The following NAP1L5 variants were observed in gnomAD, a reference collection of about 807,000 sequenced individuals.
NAP1L5 encodes nucleosome assembly protein 1-like 5.
For synonymous variants in NAP1L5, 125 were observed against 103.6 expected (o/e 1.21, Z -1.25); for missense variants, 249 against 246.4 (o/e 1.01, Z -0.07).
chr4:88,697,652 C>T lies in NAP1L5; in HGVS notation c.103G>A (p.Gly35Arg), dbSNP rs1295548944. The T allele has an allele frequency of 3.1e-6, 5 of 1,613,324 alleles. No individual in the cohort carries two copies. Among genetic ancestry groups the T allele is most frequent in the Non-Finnish European group, 4.2e-6 (5 of 1,180,018 alleles). Residue 35 changes from glycine (G) to arginine (R), a missense_variant, in exon 1 of 1, where the codon GGA becomes AGA. Gly to Arg is a moderately radical substitution (Grantham distance 125). Transcript: ENST00000323061. ...TCACCAGCCGCGCTGTCACAGTCTCCACCCTGCGCACCGCCTTCCGCCATT... is the reference window on the plus strand; with the variant it reads ...TCACCAGCCGCGCTGTCACAGTCTCTACCCTGCGCACCGCCTTCCGCCATT... ...EVMAEGGAQG[G>R]DCDSAAGDPD...
chr4:88,697,467 G>A lies in NAP1L5; in HGVS notation c.288C>T (p.Ala96=). The change falls in exon 1 of 1, where the codon GCC becomes GCT. Residue 96 remains alanine (A), a synonymous_variant. Transcript: ENST00000323061. The part of the protein sequence containing the change: ...KLQKRCDKIE[A]KFDKEFQALE... ...GAGCCTGAAATTCCTTATCAAATTT[G>A]GCTTCTATCTTATCGCATCGCTTCT... 1.2e-6 allele frequency: 2 copies of A among 1,614,084 alleles called. No homozygotes were observed. The highest frequency in any genetic ancestry group is 8.5e-7 in the Non-Finnish European group (1 of 1,180,018).
rs1734740244 is a variant in NAP1L5, at chr4:88,697,480, T to C, written c.275A>G (p.Asp92Gly). The change falls in exon 1 of 1, where the codon GAT (aspartate) becomes GGT (glycine). Residue 92 changes from aspartate (D) to glycine (G), a missense_variant. Physicochemically the swap from Asp to Gly is moderately conservative, Grantham distance 94. Transcript: ENST00000323061. The stretch of plus-strand genomic sequence containing the variant: ...CTTATCAAATTTGGCTTCTATCTTA[T>C]CGCATCGCTTCTGCAGCTTTTTGAG... Reference protein sequence around the residue: ...LALKKLQKRCDKIEAKFDKEF... With the variant: ...LALKKLQKRCGKIEAKFDKEF... 7.4e-6 allele frequency: 12 copies of C among 1,614,062 alleles called. No individual in the cohort carries two copies. The highest frequency in any genetic ancestry group is 1.0e-5 in the Non-Finnish European group (12 of 1,180,040).
In NAP1L5 at chr4:88,696,325, G is replaced by A. The variant is rs1050809127; in HGVS notation, c.*881C>T. ...GCTACATGACAGAAAGACGTCACAA[G>A]GCGCAAAGTACATAACGCTGGATAC... On this transcript the variant is annotated 3_prime_UTR_variant, in exon 1 of 1. Transcript: ENST00000323061. 1 of 152,578 alleles carries A rather than the reference G, an allele frequency of 6.6e-6. No individual in the cohort carries two copies. The highest frequency in any genetic ancestry group is 2.4e-5 in the African/African-American group (1 of 41,426). The allele number at this position is 152,578 out of a possible 1,614,324, so 9.5% of individuals were successfully genotyped here. A position where few individuals can be genotyped will look rare whatever the true frequency, so the allele number is the denominator to read the frequency against.
rs752716298 is a variant in NAP1L5 at position 88,697,101 on chromosome 4, A to C, written c.*105T>G. On this transcript the variant is annotated 3_prime_UTR_variant, in exon 1 of 1. Transcript: ENST00000323061. ...GAATGTCAGAATAAATTCACATTGT[A>C]TTTTGGTCAAAAACCTGAGCCTTTT... The C allele has an allele frequency of 8.3e-6, 9 of 1,078,048 alleles. No individual in the cohort carries two copies. Among genetic ancestry groups the C allele is most frequent in the Admixed American group, 2.7e-5 (1 of 36,582 alleles). 66.8% of individuals were successfully genotyped at this position (1,078,048 alleles called of 1,614,324 possible).
At position 88,697,364 on chromosome 4, in the gene NAP1L5, C is replaced by T; in HGVS notation, c.391G>A (p.Ala131Thr). ...TCCTCCTCCCCCTCCAAGGTCCATG[C>T]ACACCCCTCCATCTCGCCGGTGAGC... is the stretch of plus-strand genomic sequence containing the variant. Reference protein sequence around the residue: ...QELTGEMEGCAWTLEGEEEEE... With the variant: ...QELTGEMEGCTWTLEGEEEEE... Residue 131 changes from alanine (A) to threonine (T), a missense_variant, in exon 1 of 1, where the codon GCA becomes ACA. Coordinates refer to ENST00000323061, the MANE Select transcript of NAP1L5 (RefSeq NM_153757.4). 1.2e-6 allele frequency: 2 copies of T among 1,614,074 alleles called. No homozygotes were observed. Among genetic ancestry groups the T allele is most frequent in the Non-Finnish European group, 1.7e-6 (2 of 1,180,024 alleles).
In NAP1L5 at chr4:88,697,589, G is replaced by C. The variant is rs11554724; in HGVS notation, c.166C>G (p.Gln56Glu). 1 of 1,613,670 alleles carries C rather than the reference G, an allele frequency of 6.2e-7. No homozygotes were observed. Among genetic ancestry groups the C allele is most frequent in the Non-Finnish European group, 8.5e-7 (1 of 1,179,744 alleles). Residue 56 changes from glutamine (Q) to glutamate (E), a missense_variant, in exon 1 of 1, where the codon CAG (glutamine) becomes GAG (glutamate). Coordinates refer to ENST00000323061, the MANE Select transcript of NAP1L5 (RefSeq NM_153757.4). Reference protein sequence around the residue: ...SAAGQMAEEPQTPAENAPKPK... With the variant: ...SAAGQMAEEPETPAENAPKPK... ...TTTGGGGCATTCTCTGCAGGGGTCT[G>C]GGGCTCCTCAGCCATCTGACCAGCC...
In NAP1L5 at chr4:88,697,672, G is replaced by C; in HGVS notation, c.83C>G (p.Ala28Gly). Residue 28 changes from alanine (A) to glycine (G), a missense_variant, in exon 1 of 1, where the codon GCG becomes GGG. Ala to Gly is a moderately conservative substitution (Grantham distance 60, BLOSUM62 0). Transcript: ENST00000323061. Reference protein sequence around the residue: ...AAEAAAEEVMAEGGAQGGDCD... With the variant: ...AAEAAAEEVMGEGGAQGGDCD... ...GTCTCCACCCTGCGCACCGCCTTCC[G>C]CCATTACCTCCTCTGCCGCTGCCTC... 1 of 1,612,840 alleles carries C rather than the reference G, an allele frequency of 6.2e-7. No individual in the cohort carries two copies. Among genetic ancestry groups the C allele is most frequent in the Non-Finnish European group, 8.5e-7 (1 of 1,179,906 alleles).
Position 88,697,350 on chromosome 4 carries a change from C to T in NAP1L5, c.405G>A (p.Glu135=). ...ACTCCTCTTCCTCCTCCTCCTCCCC[C>T]TCCAAGGTCCATGCACACCCCTCCA... ...GEMEGCAWTL[E]GEEEEEEEYE... The change falls in exon 1 of 1, where the codon GAG becomes GAA. Residue 135 remains glutamate, a synonymous_variant. Transcript: ENST00000323061. The T allele has an allele frequency of 6.2e-7, 1 of 1,614,072 alleles. No individual in the cohort carries two copies. Among genetic ancestry groups the T allele is most frequent in the Non-Finnish European group, 8.5e-7 (1 of 1,179,990 alleles).
rs1242071060 is a variant in NAP1L5, at chr4:88,697,048, C to T, written c.*158G>A. The T allele has an allele frequency of 1.5e-6, 1 of 651,520 alleles. No homozygotes were observed. Among genetic ancestry groups the T allele is most frequent in the East Asian group, 2.9e-5 (1 of 34,012 alleles). 40.4% of individuals were successfully genotyped at this position (651,520 alleles called of 1,614,324 possible). ...AAATTTGAATCGAGCTGGCCAGGAT[C>T]TAATTGCTTTAATTTAATCTATTTT... is the stretch of plus-strand genomic sequence containing the variant. On this transcript the variant is annotated 3_prime_UTR_variant, in exon 1 of 1. Transcript: ENST00000323061.
chr4:88,697,633 G>A lies in NAP1L5; in HGVS notation c.122C>T (p.Ala41Val). 1 of 1,613,646 alleles carries A rather than the reference G, an allele frequency of 6.2e-7. No homozygotes were observed. Among genetic ancestry groups the A allele is most frequent in the Non-Finnish European group, 8.5e-7 (1 of 1,179,902 alleles). ...GAQGGDCDSA[A>V]GDPDSAAGQM... ...ACCAGCCGCGCTGTCAGGGTCACCA[G>A]CCGCGCTGTCACAGTCTCCACCCTG... The change falls in exon 1 of 1, where the codon GCT (alanine) becomes GTT (valine). Residue 41 changes from alanine (A) to valine (V), a missense_variant. Physicochemically the swap from Ala to Val is moderately conservative, Grantham distance 64 (BLOSUM62 0). Coordinates refer to ENST00000323061, the MANE Select transcript of NAP1L5 (RefSeq NM_153757.4).
rs13109442 is a variant in NAP1L5, at chr4:88,697,295, C to T, written c.460G>A (p.Glu154Lys). Residue 154 changes from glutamate (E) to lysine (K), a missense_variant, in exon 1 of 1, where the codon GAG (glutamate) becomes AAG (lysine). By Grantham distance (56) the Glu-to-Lys change is moderately conservative. Coordinates refer to ENST00000323061, the MANE Select transcript of NAP1L5 (RefSeq NM_153757.4). ...YEDDEEEGED[E>K]EEEEAAAEAA... Reference sequence around the variant, plus strand: ...TCTGCCGCAGCCTCCTCCTCCTCCTCGTCTTCCCCCTCCTCCTCGTCATCC... The same window carrying T: ...TCTGCCGCAGCCTCCTCCTCCTCCTTGTCTTCCCCCTCCTCCTCGTCATCC... 19 of 1,606,944 alleles carry T rather than the reference C, an allele frequency of 1.2e-5. No homozygotes were observed. The highest frequency in any genetic ancestry group is 1.4e-5 in the Non-Finnish European group (17 of 1,176,166).
rs139014587 is a variant in NAP1L5, at chr4:88,697,562, G to A, written c.193C>T (p.Pro65Ser). 8.9e-5 allele frequency: 143 copies of A among 1,614,068 alleles called. No individual in the cohort carries two copies. Among genetic ancestry groups the A allele is most frequent in the Middle Eastern group, 1.6e-4 (1 of 6,062 alleles). Residue 65 changes from proline to serine, a missense_variant, in exon 1 of 1, where the codon CCG becomes TCG. Pro to Ser is a moderately conservative substitution (Grantham distance 74). Coordinates refer to ENST00000323061, the MANE Select transcript of NAP1L5 (RefSeq NM_153757.4). ...AGGCTCTCGATAAAGTCATTTTTCG[G>A]CTTTGGGGCATTCTCTGCAGGGGTC... ...PQTPAENAPKPKNDFIESLPN... is the reference protein window; with the variant it reads ...PQTPAENAPKSKNDFIESLPN...
chr4:88,697,344 C>CT lies in NAP1L5; in HGVS notation c.410dup (p.Glu138GlyfsTer10). 1 of 1,614,018 alleles carries CT rather than the reference C, an allele frequency of 6.2e-7. No individual in the cohort carries two copies. Among genetic ancestry groups the CT allele is most frequent in the Non-Finnish European group, 8.5e-7 (1 of 1,180,004 alleles). ...CCTCGTACTCCTCTTCCTCCTCCTCCTCCCCCTCCAAGGTCCATGCACACC... is the reference window on the plus strand; with the variant it reads ...CCTCGTACTCCTCTTCCTCCTCCTCCTTCCCCCTCCAAGGTCCATGCACACC... On this transcript the variant is annotated frameshift_variant, in exon 1 of 1. Transcript: ENST00000323061. LOFTEE classifies it low-confidence loss of function (END_TRUNC).
Position 88,697,746 on chromosome 4 carries a change from G to C in NAP1L5, c.9C>G (p.Asp3Glu). ...GCTCCGCAGGCCCCTGGTTTTCCGA[G>C]TCGGCCATGTTAGAGGAGAAGCCGC... is the stretch of plus-strand genomic sequence containing the variant. MA[D>E]SENQGPAEPS... The change falls in exon 1 of 1, where the codon GAC becomes GAG. Residue 3 changes from aspartate (D) to glutamate (E), a missense_variant. Coordinates refer to ENST00000323061, the MANE Select transcript of NAP1L5 (RefSeq NM_153757.4). The C allele has an allele frequency of 1.2e-6, 2 of 1,607,860 alleles. No individual in the cohort carries two copies. Among genetic ancestry groups the C allele is most frequent in the Non-Finnish European group, 1.7e-6 (2 of 1,177,564 alleles).
At position 88,697,037 on chromosome 4, in the gene NAP1L5, C is replaced by T; in HGVS notation, c.*169G>A. 3 of 588,026 alleles carry T rather than the reference C, an allele frequency of 5.1e-6. No homozygotes were observed. In the South Asian group the frequency reaches 1.4e-4, roughly 28 times the overall value. The allele number at this position is 588,026 out of a possible 1,614,324, so 36.4% of individuals were successfully genotyped here. A position where few individuals can be genotyped will look rare whatever the true frequency, so the allele number is the denominator to read the frequency against. On this transcript the variant is annotated 3_prime_UTR_variant, in exon 1 of 1. Transcript: ENST00000323061. ...AAATGAAAGTCAAATTTGAATCGAG[C>T]TGGCCAGGATCTAATTGCTTTAATT...
chr4:88,697,650 T>C lies in NAP1L5; in HGVS notation c.105A>G (p.Gly35=), dbSNP rs528452137. 4 of 1,613,482 alleles carry C rather than the reference T, an allele frequency of 2.5e-6. No individual in the cohort carries two copies. Among genetic ancestry groups the C allele is most frequent in the East Asian group, 2.2e-5 (1 of 44,844 alleles). Residue 35 remains glycine, a synonymous_variant, in exon 1 of 1, where the codon GGA becomes GGG. Coordinates refer to ENST00000323061, the MANE Select transcript of NAP1L5 (RefSeq NM_153757.4). ...EVMAEGGAQG[G]DCDSAAGDPD... ...GGTCACCAGCCGCGCTGTCACAGTC[T>C]CCACCCTGCGCACCGCCTTCCGCCA... is the stretch of plus-strand genomic sequence containing the variant.
Position 88,697,808 on chromosome 4 carries a change from C to T in NAP1L5, c.-54G>A. On this transcript the variant is annotated 5_prime_UTR_variant, in exon 1 of 1. Coordinates refer to ENST00000323061, the MANE Select transcript of NAP1L5 (RefSeq NM_153757.4). ...AGGGCTCCCGCAGAGGCCCTGCACC[C>T]GAGCTGGTCCAGAGAGATCTTGCGG... 3 of 1,527,910 alleles carry T rather than the reference C, an allele frequency of 2.0e-6. No homozygotes were observed. The highest frequency in any genetic ancestry group is 1.8e-6 in the Non-Finnish European group (2 of 1,139,874). The allele number at this position is 1,527,910 out of a possible 1,614,324, so 94.6% of individuals were successfully genotyped here.
rs970055701 is a variant in NAP1L5, at chr4:88,696,393, A to G, written c.*813T>C. The G allele has an allele frequency of 6.6e-6, 1 of 152,654 alleles. No individual in the cohort carries two copies. The highest frequency in any genetic ancestry group is 2.4e-5 in the African/African-American group (1 of 41,456). 9.5% of individuals were successfully genotyped at this position (152,654 alleles called of 1,614,324 possible). A position where few individuals can be genotyped will look rare whatever the true frequency, so the allele number is the denominator to read the frequency against. On this transcript the variant is annotated 3_prime_UTR_variant, in exon 1 of 1. Transcript: ENST00000323061. ...TGCTACATTCTACATCTCTTCAAGT[A>G]AATTAATATTTCTAAAACGCTAGGT...
At position 88,697,711 on chromosome 4, in the gene NAP1L5, G is replaced by T. The variant is rs751084080; in HGVS notation, c.44C>A (p.Ala15Glu). ...ENQGPAEPSQ[A>E]AAAAEAAAEE... ...TGCCGCTGCCTCCGCCGCTGCCGCC[G>T]CCTGGCTAGGCTCCGCAGGCCCCTG... The change falls in exon 1 of 1, where the codon GCG becomes GAG. Residue 15 changes from alanine to glutamate, a missense_variant. By Grantham distance (107) the Ala-to-Glu change is moderately radical. Transcript: ENST00000323061. 5 of 1,611,824 alleles carry T rather than the reference G, an allele frequency of 3.1e-6. No homozygotes were observed. The highest frequency in any genetic ancestry group is 4.2e-6 in the Non-Finnish European group (5 of 1,179,434).
Sources: gnomAD v4.1 joint callset for allele counts on GRCh38, gnomAD v4.1.1 for gene constraint, MANE v1.5 for transcripts, NCBI Gene and HGNC (gene_info 2026-07-23, HGNC 2026-07-21) for gene names.